Variants in NLRP5 observed in about 807,000 individuals in gnomAD.
NLRP5 encodes the protein NLR family pyrin domain containing 5, also known as NACHT, LRR and PYD domains-containing protein 5.
In NLRP5, 93 loss-of-function variants were observed where a neutral mutation model predicts 113.1. The observed-to-expected ratio is 0.82, with a 90% CI of 0.70 to 0.98. The LOEUF is 0.98. Ranked by LOEUF, NLRP5 falls within the 50% of genes least tolerant of loss-of-function variation. NLRP5 has a pLI of 0.00. For synonymous variants in NLRP5, 751 were observed against 600.7 expected (o/e 1.25, Z -3.66); for missense variants, 1,808 against 1,514.3 (o/e 1.19, Z -3.22).
chr19:56,052,866 C>G (rs559121199), intron 12 of NLRP5, among the ~76,000 whole-genome samples: 29 of 152,340 alleles, frequency 1.9e-4, no homozygotes, highest in Admixed American at 1.4e-3. Flanking sequence ...TTTCCAGTTT[C>G]TCCTCCTCCC....
Position 56,008,832 on chromosome 19 carries a change from C to A in NLRP5, c.487C>A (p.Pro163Thr), listed in dbSNP as rs1289388301. The A allele has an allele frequency of 1.9e-6, 3 of 1,612,396 alleles. No homozygotes were observed. The highest frequency in any genetic ancestry group is 1.6e-4 in the Middle Eastern group (1 of 6,084). ...TGAAGCAACGATGACTGACCAAGGA[C>A]CAAGCAAGGAAAAAGTGCCAGGTTA... Residue 163 changes from proline (P) to threonine (T), a missense_variant, in exon 3 of 15, where the codon CCA (proline) becomes ACA (threonine). Coordinates refer to ENST00000390649, the MANE Select transcript of NLRP5 (RefSeq NM_153447.4).
Position 56,028,162 on chromosome 19 carries a change from A to G in NLRP5, c.1929A>G (p.Glu643=), listed in dbSNP as rs746894637. 6 of 1,613,896 alleles carry G rather than the reference A, an allele frequency of 3.7e-6. No homozygotes were observed. The South Asian group carries it at 5.5e-5, about 15-fold the overall frequency. ...GTTTCTTGTTTGGCCTCGTGAGCGA[A>G]GACGTAAGGAGGCCACTGGAGGTCC... is the stretch of plus-strand genomic sequence containing the variant. The change falls in exon 7 of 15, where the codon GAA becomes GAG. Residue 643 remains glutamate (E), a synonymous_variant. Transcript: ENST00000390649.
Position 56,061,697 on chromosome 19 carries a change from T to C in NLRP5, c.*169T>C. On this transcript the variant is annotated 3_prime_UTR_variant, in exon 15 of 15. Coordinates refer to ENST00000390649, the MANE Select transcript of NLRP5 (RefSeq NM_153447.4). Reference sequence around the variant, plus strand: ...TTCTTCTGTGTTCACTCTACGTTGGTTACTGGATTTGAAGGCTAGAGACCT... The same window carrying C: ...TTCTTCTGTGTTCACTCTACGTTGGCTACTGGATTTGAAGGCTAGAGACCT... The C allele has an allele frequency of 1.4e-6, 1 of 732,272 alleles. No homozygotes were observed. The highest frequency in any genetic ancestry group is 2.2e-6 in the Non-Finnish European group (1 of 447,404). 45.4% of individuals were successfully genotyped at this position (732,272 alleles called of 1,614,324 possible). A position where few individuals can be genotyped will look rare whatever the true frequency, so the allele number is the denominator to read the frequency against.
chr19:56,053,653 T>C lies in NLRP5; in HGVS notation c.3144T>C (p.His1048=). The C allele has an allele frequency of 1.2e-6, 2 of 1,613,630 alleles. No homozygotes were observed. The highest frequency in any genetic ancestry group is 1.7e-6 in the Non-Finnish European group (2 of 1,179,718). ...CCTCTTGCAGGTTGGTAAAGTGTCA[T>C]CTCACCGCCGCGTGCTGTGAGAGTC... Residue 1048 remains histidine, a synonymous_variant, in exon 13 of 15, where the codon CAT becomes CAC. Coordinates refer to ENST00000390649, the MANE Select transcript of NLRP5 (RefSeq NM_153447.4).
intron 2 of NLRP5, among the ~76,000 whole-genome samples, chr19:56,005,206 CACAT>C (rs200249220): frequency 0.034 from 4,559 of 135,298 alleles, 243 homozygotes; most frequent in African/African-American, 0.12. Context: ...TATACACATA[CACAT>C]ACACACATAT....
chr19:56,053,311 G>C (rs1281307233), intron 12 of NLRP5, among the ~76,000 whole-genome samples: 1 of 152,020 alleles, frequency 6.6e-6, no homozygotes, highest in African/African-American at 2.4e-5. Context: ...AGGGAGAATA[G>C]CTTGAACCTG....
At chr19:56,053,530 C>CCTT (rs1984009799) in intron 12 of NLRP5, 108 bp from the exon 13 acceptor site, 1 of 960,288 alleles carries the variant, frequency 1.0e-6, no homozygotes, top group Non-Finnish European at 1.5e-6. Context: ...AAAACAGTGG[C>CCTT]CCGTCAGGAA....
At chr19:56,017,094 ACCG>A (rs1982435315) in intron 4 of NLRP5, among the ~76,000 whole-genome samples, 1 of 152,180 alleles carries the variant, frequency 6.6e-6, no homozygotes, top group African/African-American at 2.4e-5. Context: ...GACGTGAGCC[ACCG>A]CGCCCGGCCA....
chr19:56,021,139 G>T (rs1034087649), intron 6 of NLRP5, among the ~76,000 whole-genome samples: 4 of 152,018 alleles, frequency 2.6e-5, no homozygotes, highest in African/African-American at 9.7e-5. Flanking sequence ...CAAAGTGCTG[G>T]GATTACAGGC....
At position 56,033,654 on chromosome 19, in the gene NLRP5, G is replaced by A. The variant is rs1983207289; in HGVS notation, c.2560G>A (p.Val854Ile). 2 of 1,613,832 alleles carry A rather than the reference G, an allele frequency of 1.2e-6. No individual in the cohort carries two copies. The highest frequency in any genetic ancestry group is 1.3e-5 in the African/African-American group (1 of 74,936). Reference sequence around the variant, plus strand: ...AGGCACCCACCTGAAGGAAGAGGATGTAAGGATGGCGTGTGAAGCCTTAAA... The same window carrying A: ...AGGCACCCACCTGAAGGAAGAGGATATAAGGATGGCGTGTGAAGCCTTAAA... Residue 854 changes from valine (V) to isoleucine (I), a missense_variant, in exon 9 of 15, where the codon GTA (valine) becomes ATA (isoleucine). By Grantham distance (29) the Val-to-Ile change is conservative. Transcript: ENST00000390649.
At chr19:56,029,006 C>G (rs543076299) in intron 7 of NLRP5, among the ~76,000 whole-genome samples, 3 of 152,098 alleles carry the variant, frequency 2.0e-5, no homozygotes, top group Non-Finnish European at 4.4e-5. Flanking sequence ...CTCAGGTGAT[C>G]CACCCGCCTC....
intron 3 of NLRP5, among the ~76,000 whole-genome samples, chr19:56,011,447 T>C (rs1982187196): frequency 1.3e-5 from 2 of 152,118 alleles, no homozygotes; most frequent in Admixed American, 1.3e-4. Flanking sequence ...TTCTCAATCA[T>C]GATTGCACAC....
chr19:56,035,415 G>A (rs1983274563), intron 9 of NLRP5, among the ~76,000 whole-genome samples: 1 of 152,252 alleles, frequency 6.6e-6, no homozygotes, highest in South Asian at 2.1e-4. Context: ...TGCTGTGCCT[G>A]ACATCGTGTG....
At chr19:56,008,715 A>T in intron 2 of NLRP5, 73 bp from the exon 3 acceptor site, 1 of 1,323,440 alleles carries the variant, frequency 7.6e-7, no homozygotes, top group Non-Finnish European at 1.1e-6. Flanking sequence ...TGGACACGGG[A>T]CATTCTTATC....
In NLRP5 at chr19:56,033,552, GCA is replaced by G. The variant is rs1377284797; in HGVS notation, c.2461_2462del (p.Gln821AspfsTer17). On this transcript the variant is annotated frameshift_variant, in exon 9 of 15. Transcript: ENST00000390649. LOFTEE classifies it high-confidence loss of function. ...CCTTCCCCATTGCAGGTTTAGAAAT[GCA>G]CAGATTACCCCTGGTGTGCAGCACC... The G allele has an allele frequency of 1.2e-6, 2 of 1,612,486 alleles. No homozygotes were observed.
At chr19:56,004,137 T>TGA (rs1286893623) in intron 2 of NLRP5, 42 bp downstream of exon 2, 8 of 1,548,126 alleles carry the variant, frequency 5.2e-6, no homozygotes, top group African/African-American at 4.1e-5. Context: ...GGAGGGGAGG[T>TGA]GATTTCAGGT....
intron 1 of NLRP5, 59 bp from the exon 2 acceptor site, chr19:56,003,677 G>T (rs771643817): frequency 7.1e-6 from 11 of 1,547,148 alleles, no homozygotes; most frequent in Non-Finnish European, 7.8e-6. Context: ...GATGTTAGTT[G>T]TATCTACTTG....
At chr19:56,055,601 AG>A (rs1203551059) in intron 13 of NLRP5, among the ~76,000 whole-genome samples, 5 of 120,480 alleles carry the variant, frequency 4.2e-5, no homozygotes, top group Admixed American at 1.1e-4. Context: ...GCTGGAGTGC[AG>A]TGGCGCGATC....
Position 56,015,813 on chromosome 19 carries a change from T to TC in NLRP5, c.565+16dup, listed in dbSNP as rs149794790. On this transcript the variant is annotated intron_variant, in intron 4 of 14. Coordinates refer to ENST00000390649, the MANE Select transcript of NLRP5 (RefSeq NM_153447.4). Reference sequence around the variant, plus strand: ...AAAAGAACAAGGTGAATGAAATAGATCTATTCATTTGTTGCCCTCCTGGAA... The same window carrying TC: ...AAAAGAACAAGGTGAATGAAATAGATCCTATTCATTTGTTGCCCTCCTGGAA... The TC allele has an allele frequency of 0.085, 131,708 of 1,545,856 alleles. 6,628 individuals are homozygous for TC. Among genetic ancestry groups the TC allele is most frequent in the African/African-American group, 0.18 (13,461 of 73,500 alleles).
Sources: gnomAD v4.1 joint callset for allele counts (sites outside exome capture counted in the v4.1 genomes callset) on GRCh38, gnomAD v4.1.1 for gene constraint, MANE v1.5 for transcripts, NCBI Gene and HGNC (gene_info 2026-07-23, HGNC 2026-07-21) for gene names.